Variants in HMGXB4 observed in about 807,000 individuals in gnomAD.
The protein encoded by HMGXB4 is HMG domain-containing protein 4.
A neutral mutation model predicts 63.9 loss-of-function variants in HMGXB4; 27 were observed. The ratio of observed to expected loss-of-function variants is 0.42; its 90% CI spans 0.31 to 0.58. The LOEUF is 0.58. HMGXB4 is among the 20% of genes least tolerant of loss of function. HMGXB4 has a pLI of 0.13. For missense variants in HMGXB4, 624 were observed against 700.7 expected, an observed-to-expected ratio of 0.89 and a Z score of 1.24; for synonymous variants, 264 against 265.3, an observed-to-expected ratio of 0.99 and a Z score of 0.05.
chr22:35,292,842 CAG>C (rs937620610), intron 9 of HMGXB4, 148 bp from the exon 10 acceptor site: 76 of 867,616 alleles, frequency 8.8e-5, no homozygotes, highest in Non-Finnish European at 1.2e-4. Flanking sequence ...AAACAACTTA[CAG>C]AGTTATCAAA....
At chr22:35,248,673 A>G in the HMGXB4 span, among the ~76,000 whole-genome samples, 1 of 152,014 alleles carries the variant, frequency 6.6e-6, no homozygotes, top group African/African-American at 2.4e-5. Context: ...CCAAAGTGCT[A>G]GGATTACAGG....
chr22:35,280,063 G>A (rs1924151718), intron 5 of HMGXB4, among the ~76,000 whole-genome samples: 2 of 152,120 alleles, frequency 1.3e-5, no homozygotes, highest in African/African-American at 4.8e-5. Context: ...ACCTGCTATG[G>A]TCAGGCCCAG....
chr22:35,290,013 T>C (rs1378814242), intron 9 of HMGXB4, among the ~76,000 whole-genome samples: 1 of 152,214 alleles, frequency 6.6e-6, no homozygotes, highest in Non-Finnish European at 1.5e-5. Context: ...TGAAGCTATA[T>C]CTAAATTCTT....
intron 5 of HMGXB4, among the ~76,000 whole-genome samples, chr22:35,269,957 G>A (rs1923498590): frequency 6.6e-6 from 1 of 151,924 alleles, no homozygotes; most frequent in South Asian, 2.1e-4. Flanking sequence ...TAACCTGGTT[G>A]ACAGAGCAAG....
chr22:35,249,108 G>A, the HMGXB4 span, among the ~76,000 whole-genome samples: 1 of 151,720 alleles, frequency 6.6e-6, no homozygotes, highest in East Asian at 1.9e-4. Context: ...ACCCAGGCTG[G>A]AGTGCAGTGG....
the HMGXB4 span, among the ~76,000 whole-genome samples, chr22:35,245,600 G>A: frequency 6.6e-6 from 1 of 152,110 alleles, no homozygotes; most frequent in Admixed American, 6.5e-5. Flanking sequence ...GGTAGGATGA[G>A]TGCCTTTTGA....
intron 8 of HMGXB4, 79 bp downstream of exon 8, chr22:35,287,531 T>A: frequency 1.0e-6 from 1 of 977,458 alleles, no homozygotes; most frequent in Non-Finnish European, 1.6e-6. Flanking sequence ...GGAAAAAAGC[T>A]TGCAGTATTA....
intron 7 of HMGXB4, chr22:35,287,126 A>G (rs887494611): frequency 1.2e-5 from 6 of 483,790 alleles, no homozygotes; most frequent in Non-Finnish European, 2.3e-5. Context: ...AGATTTGACC[A>G]TTAGCATTGA....
At position 35,265,365 on chromosome 22, in the gene HMGXB4, A is replaced by G. The variant is rs1245906142; in HGVS notation, c.977A>G (p.Lys326Arg). Residue 326 changes from lysine to arginine, a missense_variant, in exon 5 of 11, where the codon AAA becomes AGA. Physicochemically the swap from Lys to Arg is conservative, Grantham distance 26. This residue lies in a region of HMGXB4 where 472 missense variants were observed against 470.6 expected (regional missense o/e 1.00). Transcript: ENST00000216106. Reference protein sequence around the residue: ...IKKKKKSKKSKKKKDKEKHKE... With the variant: ...IKKKKKSKKSRKKKDKEKHKE... Reference sequence around the variant, plus strand: ...AAGAAAAAGAAGTCAAAGAAGAGCAAAAAGAAGAAAGACAAGGAGAAGCAT... The same window carrying G: ...AAGAAAAAGAAGTCAAAGAAGAGCAGAAAGAAGAAAGACAAGGAGAAGCAT... The G allele has an allele frequency of 6.2e-7, 1 of 1,613,988 alleles. No individual in the cohort carries two copies. The highest frequency in any genetic ancestry group is 8.5e-7 in the Non-Finnish European group (1 of 1,180,036).
intron 4 of HMGXB4, chr22:35,264,152 A>G (rs1017872407): frequency 3.5e-6 from 4 of 1,155,936 alleles, no homozygotes; most frequent in East Asian, 2.9e-5. Flanking sequence ...ATTGTTATCT[A>G]GCATCCCTTT....
At chr22:35,263,289 A>AGTTTTTTTTT (rs1204571520) in intron 3 of HMGXB4, 63 bp downstream of exon 3, 3 of 1,259,386 alleles carry the variant, frequency 2.4e-6, no homozygotes, top group East Asian at 4.8e-5. Flanking sequence ...GGTGATGCAG[A>AGTTTTTTTTT]GTTTTTTTTT....
intron 6 of HMGXB4, 29 bp from the exon 7 acceptor site, chr22:35,285,968 G>A (rs972117505): frequency 6.5e-7 from 1 of 1,545,410 alleles, no homozygotes. Context: ...ACCCTTTACT[G>A]TATTGAGTGT....
chr22:35,245,723 G>A, the HMGXB4 span, among the ~76,000 whole-genome samples: 180 of 152,220 alleles, frequency 1.2e-3, 1 homozygote, highest in African/African-American at 3.9e-3. Context: ...GGGGTTTGCC[G>A]CCTCATTACT....
chr22:35,258,216 A>C (rs565741080), intron 1 of HMGXB4: 3 of 149,918 alleles, frequency 2.0e-5, no homozygotes, highest in Non-Finnish European at 4.5e-5. Flanking sequence ...CTTGCGTGCA[A>C]CCCGGCTTGG....
chr22:35,254,746 C>T (rs1266806766), upstream of HMGXB4, among the ~76,000 whole-genome samples: 1 of 152,192 alleles, frequency 6.6e-6, no homozygotes, highest in African/African-American at 2.4e-5. Context: ...CAATAAATAT[C>T]TGTTTAATAA....
At chr22:35,267,156 T>TA (rs1923311649) in intron 5 of HMGXB4, among the ~76,000 whole-genome samples, 15 of 74,278 alleles carry the variant, frequency 2.0e-4, no homozygotes, top group Non-Finnish European at 4.4e-4. Context: ...GTATATATAA[T>TA]ATATATAAAA....
At chr22:35,285,526 CAG>C (rs952212053) in intron 6 of HMGXB4, among the ~76,000 whole-genome samples, 10 of 152,108 alleles carry the variant, frequency 6.6e-5, no homozygotes, top group Admixed American at 2.0e-4. Flanking sequence ...GCCTGGGCGA[CAG>C]AGCGAGACTC....
At position 35,265,470 on chromosome 22, in the gene HMGXB4, G is replaced by A. The variant is rs992811244; in HGVS notation, c.1082G>A (p.Gly361Asp). 2.5e-6 allele frequency: 4 copies of A among 1,613,906 alleles called. No individual in the cohort carries two copies. The African/African-American group carries it at 5.3e-5, about 22-fold the overall frequency. The change falls in exon 5 of 11, where the codon GGC (glycine) becomes GAC (aspartate). Residue 361 changes from glycine (G) to aspartate (D), a missense_variant. By Grantham distance (94) the Gly-to-Asp change is moderately conservative. Coordinates refer to ENST00000216106, the MANE Select transcript of HMGXB4 (RefSeq NM_001003681.3). ...VPVGEVTVTS[G>D]PPPSIPYAGA... ...GTGGGAGAGGTCACAGTGACATCTG[G>A]CCCTCCTCCCAGCATCCCATACGCT...
chr22:35,254,480 C>G (rs142059012), upstream of HMGXB4, among the ~76,000 whole-genome samples: 13 of 152,348 alleles, frequency 8.5e-5, no homozygotes, highest in East Asian at 2.3e-3. Context: ...CTCCGGTGTG[C>G]ACCTCAACAG....
Sources: gnomAD v4.1 joint callset for allele counts (sites outside exome capture counted in the v4.1 genomes callset) on GRCh38, gnomAD v4.1.1 for gene constraint, gnomAD v4.1.1 regional missense constraint, MANE v1.5 for transcripts, NCBI Gene and HGNC (gene_info 2026-07-23, HGNC 2026-07-21) for gene names.